Variants in RAB4B observed in about 807,000 individuals in gnomAD.
The protein encoded by RAB4B is ras-related protein Rab-4B.
In RAB4B, 15 loss-of-function variants were observed where a neutral mutation model predicts 28.3. The ratio of observed to expected loss-of-function variants is 0.53; its 90% CI spans 0.35 to 0.82. The LOEUF (loss-of-function observed/expected upper bound fraction) is 0.82. Among genes scored for constraint, RAB4B ranks in the 40% least tolerant of loss-of-function variants. The probability of loss-of-function intolerance (pLI) is 0.01; values close to 1 mark genes in which losing one functional copy is unlikely to be tolerated. For missense variants in RAB4B, 244 were observed against 288.5 expected, an observed-to-expected ratio of 0.85 and a Z score of 1.12; for synonymous variants, 108 against 116.3, an observed-to-expected ratio of 0.93 and a Z score of 0.46.
At chr19:40,794,929 G>T (rs1298797073) in intron 7 of RAB4B, 1 of 149,270 alleles carries the variant, frequency 6.7e-6, no homozygotes, top group Non-Finnish European at 1.5e-5. Context: ...CGGATCACAA[G>T]GTCAGGAGAT....
intron 3 of RAB4B, among the ~76,000 whole-genome samples, chr19:40,782,495 A>G (rs2083058210): frequency 6.6e-6 from 1 of 152,218 alleles, no homozygotes; most frequent in Non-Finnish European, 1.5e-5. Flanking sequence ...AGATGAAACA[A>G]ACAAACAAAA....
chr19:40,778,935 T>C lies in RAB4B; in HGVS notation c.16+544T>C, dbSNP rs1221587170. On this transcript the variant is annotated intron_variant, in intron 1 of 7. Transcript: ENST00000357052. ...GAGAGGTCGGGAAGTGGAAAATCAG[T>C]AGGGATGCACCATAGGAGGTGGTGA... 1.0e-5 allele frequency: 10 copies of C among 985,322 alleles called. No individual in the cohort carries two copies. In the South Asian group the frequency reaches 3.2e-4, roughly 32 times the overall value. The allele number at this position is 985,322 out of a possible 1,614,324, so 61.0% of individuals were successfully genotyped here. A position where few individuals can be genotyped will look rare whatever the true frequency, so the allele number is the denominator to read the frequency against.
chr19:40,788,344 C>T (rs1011018166), intron 7 of RAB4B, among the ~76,000 whole-genome samples: 3 of 151,632 alleles, frequency 2.0e-5, no homozygotes, highest in African/African-American at 7.3e-5. Flanking sequence ...ATTAGCGAGG[C>T]GTGGTGGTGT....
chr19:40,789,395 T>C (rs2083135573), intron 7 of RAB4B, among the ~76,000 whole-genome samples: 1 of 150,266 alleles, frequency 6.7e-6, no homozygotes, highest in African/African-American at 2.5e-5. Context: ...AGAGACGGGG[T>C]TTCTCCGTGT....
At chr19:40,794,680 A>G (rs1043026008) in intron 7 of RAB4B, 6 of 152,096 alleles carry the variant, frequency 3.9e-5, no homozygotes, top group Non-Finnish European at 7.4e-5. Context: ...GGAGAATTTT[A>G]AAAGATACTG....
At chr19:40,778,466 T>G in intron 1 of RAB4B, 75 bp downstream of exon 1, 1 of 1,355,086 alleles carries the variant, frequency 7.4e-7, no homozygotes. Context: ...TGGGCGGGGC[T>G]TTGTAGATCA....
chr19:40,780,969 A>G (rs910137207), intron 3 of RAB4B, among the ~76,000 whole-genome samples: 2 of 151,864 alleles, frequency 1.3e-5, no homozygotes, highest in Non-Finnish European at 2.9e-5. Flanking sequence ...AAGAGAGTTG[A>G]AGAGAATGAT....
At chr19:40,787,098 C>T in intron 7 of RAB4B, 120 bp downstream of exon 7, 1 of 969,390 alleles carries the variant, frequency 1.0e-6, no homozygotes, top group Non-Finnish European at 1.5e-6. Context: ...GATGCAAAAA[C>T]ACACAAGCTA....
chr19:40,780,072 C>G lies in RAB4B; in HGVS notation c.70C>G (p.Leu24Val), dbSNP rs142878680. 2.7e-4 allele frequency: 432 copies of G among 1,611,448 alleles called. 2 individuals are homozygous for G. Among genetic ancestry groups the G allele is most frequent in the Non-Finnish European group, 3.5e-4 (418 of 1,177,780 alleles). Residue 24 changes from leucine to valine, a missense_variant, in exon 2 of 8, where the codon CTC becomes GTC. Leu to Val is a conservative substitution (Grantham distance 32). Transcript: ENST00000357052. ...CAGTGCAGGAACTGGCAAATCATGT[C>G]TCCTTCATCAGTTCATTGAGAATAA... Reference protein sequence around the residue: ...IGSAGTGKSCLLHQFIENKFK... With the variant: ...IGSAGTGKSCVLHQFIENKFK...
At position 40,789,836 on chromosome 19, in the gene RAB4B, C is replaced by T. The variant is rs763510398; in HGVS notation, c.*15+2858C>T. ...TTAAACAAGATGAGGAGGGAAGCCT[C>T]GCTGAGAAGATGACATTTGAGTGAA... is the stretch of plus-strand genomic sequence containing the variant. On this transcript the variant is annotated intron_variant, in intron 7 of 7. Transcript: ENST00000357052. Among the ~76,000 whole-genome samples, 24 of 152,340 alleles carry T rather than the reference C, an allele frequency of 1.6e-4. No individual in the cohort carries two copies. The Middle Eastern group carries it at 0.02, about 130-fold the overall frequency.
intron 7 of RAB4B, chr19:40,794,445 G>C (rs1179908100): frequency 6.6e-6 from 1 of 151,752 alleles, no homozygotes; most frequent in African/African-American, 2.4e-5. Context: ...GCCCAGGCTG[G>C]TCTTGAACTC....
intron 3 of RAB4B, among the ~76,000 whole-genome samples, chr19:40,781,629 C>T (rs916777701): frequency 3.3e-5 from 5 of 151,686 alleles, no homozygotes; most frequent in Admixed American, 6.6e-5. Flanking sequence ...GAGAAATGGA[C>T]GTGTTGTGGG....
Position 40,780,510 on chromosome 19 carries a change from T to C in RAB4B, c.212+11T>C. On this transcript the variant is annotated intron_variant, in intron 3 of 7. Transcript: ENST00000357052. Reference sequence around the variant, plus strand: ...CCAGGAGCGGTTTCGGTAGGTGGGCTGGGCTCCCAAGGGTGATGGGGAGAG... The same window carrying C: ...CCAGGAGCGGTTTCGGTAGGTGGGCCGGGCTCCCAAGGGTGATGGGGAGAG... 1 of 1,608,948 alleles carries C rather than the reference T, an allele frequency of 6.2e-7. No individual in the cohort carries two copies. Among genetic ancestry groups the C allele is most frequent in the Non-Finnish European group, 8.5e-7 (1 of 1,176,342 alleles).
intron 3 of RAB4B, among the ~76,000 whole-genome samples, chr19:40,782,053 G>A (rs973922552): frequency 1.3e-5 from 2 of 150,130 alleles, no homozygotes; most frequent in South Asian, 4.2e-4. Context: ...TAGGAGAGTC[G>A]GAGAAACAGA....
intron 3 of RAB4B, 98 bp downstream of exon 3, chr19:40,780,597 A>T (rs2083037257): frequency 1.0e-6 from 1 of 960,586 alleles, no homozygotes; most frequent in Admixed American, 2.2e-5. Flanking sequence ...GAGAGGGCAG[A>T]CAAGGCAGAC....
intron 1 of RAB4B, 79 bp downstream of exon 1, chr19:40,778,470 T>C (rs1599736675): frequency 1.5e-6 from 2 of 1,339,524 alleles, no homozygotes; most frequent in East Asian, 5.8e-5. Context: ...CGGGGCTTTG[T>C]AGATCAGGGG....
intron 7 of RAB4B, among the ~76,000 whole-genome samples, chr19:40,787,745 T>A (rs530205546): frequency 1.3e-5 from 2 of 150,484 alleles, no homozygotes; most frequent in Non-Finnish European, 3.0e-5. Flanking sequence ...GGGGTATACA[T>A]AAGGTCAGGA....
At chr19:40,796,142 G>C (rs974508836) in intron 7 of RAB4B, 8 of 152,344 alleles carry the variant, frequency 5.3e-5, no homozygotes, top group Non-Finnish European at 8.8e-5. Context: ...TGGGACTACT[G>C]GTGCATGCCA....
chr19:40,792,270 T>C (rs1347707764), intron 7 of RAB4B: 1 of 152,272 alleles, frequency 6.6e-6, no homozygotes, highest in East Asian at 1.9e-4. Flanking sequence ...AAAATGAGGC[T>C]AATAATAGCA....
Sources: gnomAD v4.1 joint callset for allele counts (sites outside exome capture counted in the v4.1 genomes callset) on GRCh38, gnomAD v4.1.1 for gene constraint, MANE v1.5 for transcripts, NCBI Gene and HGNC (gene_info 2026-07-23, HGNC 2026-07-21) for gene names.